CLEC4A: variants seen among roughly 807,000 people sequenced by gnomAD.
The protein encoded by CLEC4A is C-type lectin domain family 4 member A.
A neutral mutation model predicts 32.7 loss-of-function variants in CLEC4A; 27 were observed. That is an observed-to-expected ratio of 0.83 (90% CI 0.61 to 1.14). CLEC4A has a LOEUF of 1.14. Among genes scored for constraint, CLEC4A ranks in the 50% most tolerant of loss-of-function variants. The pLI is 0.00. For synonymous variants in CLEC4A, 89 were observed against 93.7 expected (o/e 0.95, Z 0.29); for missense variants, 253 against 274.6 (o/e 0.92, Z 0.55).
the CLEC4A span, among the ~76,000 whole-genome samples, chr12:8,103,373 G>GT: frequency 4.5e-4 from 35 of 78,024 alleles, 3 homozygotes; most frequent in African/African-American, 1.2e-3. Context: ...GTTTCTTTCT[G>GT]TTGTTTTTTT....
rs150784088 is a variant in CLEC4A at position 8,130,962 on chromosome 12, G to A, written c.298+1600G>A. On this transcript the variant is annotated intron_variant, in intron 3 of 5. Coordinates refer to ENST00000229332, the MANE Select transcript of CLEC4A (RefSeq NM_016184.4). ...TGAATTCTCATGTCTCTTTAGGCACGTCTTGGCTGTGGTAGTTTCTCAGAT... is the reference window on the plus strand; with the variant it reads ...TGAATTCTCATGTCTCTTTAGGCACATCTTGGCTGTGGTAGTTTCTCAGAT... Among the ~76,000 whole-genome samples, 157 of 152,202 alleles carry A rather than the reference G, an allele frequency of 1.0e-3. 1 individual carries two copies. The highest frequency in any genetic ancestry group is 3.1e-3 in the South Asian group (15 of 4,826).
the CLEC4A span, among the ~76,000 whole-genome samples, chr12:8,111,619 A>G: frequency 2.0e-5 from 3 of 152,158 alleles, no homozygotes; most frequent in African/African-American, 4.8e-5. Flanking sequence ...TTCTTTGCCT[A>G]TGCATTTGTA....
At chr12:8,115,609 G>T in the CLEC4A span, among the ~76,000 whole-genome samples, 1 of 152,150 alleles carries the variant, frequency 6.6e-6, no homozygotes, top group African/African-American at 2.4e-5. Flanking sequence ...TAAGTTTTCT[G>T]CAGGGTAAAT....
chr12:8,110,620 CG>C, the CLEC4A span, among the ~76,000 whole-genome samples: 1 of 152,118 alleles, frequency 6.6e-6, no homozygotes, highest in Non-Finnish European at 1.5e-5. Flanking sequence ...CAGTGTATAA[CG>C]GGGTCTTGTG....
At chr12:8,130,853 AAATTCAC>A (rs1281133979) in intron 3 of CLEC4A, among the ~76,000 whole-genome samples, 1 of 152,202 alleles carries the variant, frequency 6.6e-6, no homozygotes, top group Non-Finnish European at 1.5e-5. Flanking sequence ...TTATTAATTA[AAATTCAC>A]AATTTTCAGG....
At chr12:8,113,138 C>T in the CLEC4A span, among the ~76,000 whole-genome samples, 1 of 132,656 alleles carries the variant, frequency 7.5e-6, no homozygotes, top group South Asian at 2.5e-4. Flanking sequence ...CACAACAGTC[C>T]CCAGTGTGTG....
intron 2 of CLEC4A, among the ~76,000 whole-genome samples, chr12:8,127,547 G>A (rs981862465): frequency 6.6e-6 from 1 of 152,124 alleles, no homozygotes; most frequent in Non-Finnish European, 1.5e-5. Flanking sequence ...TTTTAAGCAG[G>A]GAATTGATAT....
chr12:8,133,859 G>T (rs1460853795), intron 3 of CLEC4A: 22 of 1,584,618 alleles, frequency 1.4e-5, no homozygotes, highest in Non-Finnish European at 1.9e-5. Context: ...GGAGTACAGT[G>T]CAGTGAAGTG....
the CLEC4A span, among the ~76,000 whole-genome samples, chr12:8,107,236 T>C: frequency 0.07 from 10,673 of 152,248 alleles, 936 homozygotes; most frequent in African/African-American, 0.2. Flanking sequence ...TGCTTGATAA[T>C]GGTGGATTAA....
rs753563404 is a variant in CLEC4A at position 8,134,645 on chromosome 12, G to C, written c.299-940G>C. 4.4e-5 allele frequency: 70 copies of C among 1,603,922 alleles called. No individual in the cohort carries two copies. The African/African-American group carries it at 8.7e-4, about 20-fold the overall frequency. On this transcript the variant is annotated intron_variant, in intron 3 of 5. Transcript: ENST00000229332. ...GCCCACAGTACGCCATCCCCCCGCAGAACTCATACGGCGGGGGACATGGGG... is the reference window on the plus strand; with the variant it reads ...GCCCACAGTACGCCATCCCCCCGCACAACTCATACGGCGGGGGACATGGGG...
chr12:8,114,532 C>G, the CLEC4A span, among the ~76,000 whole-genome samples: 1 of 152,216 alleles, frequency 6.6e-6, no homozygotes, highest in Admixed American at 6.5e-5. Context: ...GCGTGAGCCA[C>G]CGCGCCCGGC....
chr12:8,120,486 A>G (rs1258747803), upstream of CLEC4A, among the ~76,000 whole-genome samples: 2 of 152,190 alleles, frequency 1.3e-5, no homozygotes, highest in African/African-American at 4.8e-5. Context: ...TTTATTACCT[A>G]GGTTAACTGC....
At chr12:8,103,406 A>G in the CLEC4A span, among the ~76,000 whole-genome samples, 1 of 33,036 alleles carries the variant, frequency 3.0e-5, no homozygotes, top group African/African-American at 1.9e-4. Flanking sequence ...TTTTTTTTTT[A>G]GACGGAGTCT....
the CLEC4A span, among the ~76,000 whole-genome samples, chr12:8,103,677 C>T: frequency 2.6e-5 from 4 of 152,174 alleles, no homozygotes; most frequent in Non-Finnish European, 4.4e-5. Flanking sequence ...AGCCACTGCA[C>T]CCAGCCCCAC....
chr12:8,134,975 T>TTTTTTTTTTTTTTTTG (rs1252899557), intron 3 of CLEC4A: 10 of 304,616 alleles, frequency 3.3e-5, no homozygotes, highest in African/African-American at 2.8e-4. Flanking sequence ...GTTGAAGCGT[T>TTTTTTTTTTTTTTTTG]TTTGTTTTTT....
At chr12:8,128,873 A>G (rs1947945158) in intron 2 of CLEC4A, among the ~76,000 whole-genome samples, 1 of 152,176 alleles carries the variant, frequency 6.6e-6, no homozygotes, top group Admixed American at 6.5e-5. Context: ...CCATTCTTCA[A>G]GGTAACCCAG....
At chr12:8,108,479 A>G in the CLEC4A span, among the ~76,000 whole-genome samples, 1 of 152,228 alleles carries the variant, frequency 6.6e-6, no homozygotes, top group African/African-American at 2.4e-5. Flanking sequence ...AAGGAAATAC[A>G]TATGTGACTA....
the CLEC4A span, among the ~76,000 whole-genome samples, chr12:8,116,720 T>C: frequency 6.6e-6 from 1 of 152,320 alleles, no homozygotes; most frequent in East Asian, 1.9e-4. Context: ...ATAATGGACC[T>C]TACTTCACAG....
chr12:8,113,358 G>A, the CLEC4A span, among the ~76,000 whole-genome samples: 4 of 152,030 alleles, frequency 2.6e-5, no homozygotes, highest in Non-Finnish European at 4.4e-5. Context: ...TCTTAATCCA[G>A]TCTGTCGTTG....
Sources: gnomAD v4.1 joint callset for allele counts (sites outside exome capture counted in the v4.1 genomes callset) on GRCh38, gnomAD v4.1.1 for gene constraint, MANE v1.5 for transcripts, NCBI Gene and HGNC (gene_info 2026-07-23, HGNC 2026-07-21) for gene names.